The following PEX1 variants were observed in gnomAD, a reference collection of about 807,000 sequenced individuals.
PEX1 encodes the protein peroxisomal ATPase PEX1.
PEX1 carries 97 observed loss-of-function variants against 152.5 expected under a neutral mutation model. The observed-to-expected ratio is 0.64, with a 90% CI of 0.54 to 0.75. PEX1 has a LOEUF of 0.75. PEX1 is among the 30% of genes least tolerant of loss of function. PEX1 has a pLI of 0.00. For missense variants in PEX1, 1,357 were observed against 1,516.3 expected, an observed-to-expected ratio of 0.89 and a Z score of 1.74; for synonymous variants, 485 against 531.6, an observed-to-expected ratio of 0.91 and a Z score of 1.21.
At chr7:92,504,021 G>A (rs920213001) in intron 12 of PEX1, among the ~76,000 whole-genome samples, 1 of 151,842 alleles carries the variant, frequency 6.6e-6, no homozygotes, top group Non-Finnish European at 1.5e-5. Context: ...TGTAGACCAC[G>A]CTTCCTTTGC....
chr7:92,528,254 G>A, intron 1 of PEX1, 53 bp downstream of exon 1: 1 of 1,543,430 alleles, frequency 6.5e-7, no homozygotes, highest in Non-Finnish European at 8.7e-7. Flanking sequence ...GAGAGGCTTC[G>A]GCCTCGTCCG....
intron 19 of PEX1, 178 bp downstream of exon 19, chr7:92,494,115 A>G: frequency 1.6e-6 from 1 of 611,720 alleles, no homozygotes; most frequent in African/African-American, 1.8e-5. Context: ...CACTGGGCCA[A>G]AAAAAGGCTT....
Position 92,487,402 on chromosome 7 carries a change from C to T in PEX1, c.*55G>A. ...AGACACCATTTTTTTCCTGTTACAACATATGGAAAAGCCATCAAAAAACTT... is the reference window on the plus strand; with the variant it reads ...AGACACCATTTTTTTCCTGTTACAATATATGGAAAAGCCATCAAAAAACTT... On this transcript the variant is annotated 3_prime_UTR_variant, in exon 24 of 24. Coordinates refer to ENST00000248633, the MANE Select transcript of PEX1 (RefSeq NM_000466.3). 1 of 904,676 alleles carries T rather than the reference C, an allele frequency of 1.1e-6. No individual in the cohort carries two copies. The highest frequency in any genetic ancestry group is 1.8e-6 in the Non-Finnish European group (1 of 556,972). 56.0% of individuals were successfully genotyped at this position (904,676 alleles called of 1,614,324 possible). A position where few individuals can be genotyped will look rare whatever the true frequency, so the allele number is the denominator to read the frequency against.
intron 3 of PEX1, among the ~76,000 whole-genome samples, chr7:92,518,581 T>A (rs1792913243): frequency 6.6e-6 from 1 of 152,216 alleles, no homozygotes; most frequent in African/African-American, 2.4e-5. Context: ...TCATTCTTTT[T>A]TTATTTGAGA....
rs142838522 is a variant in PEX1, at chr7:92,502,035, C to G, written c.2271G>C (p.Leu757Phe). The G allele has an allele frequency of 4.8e-4, 769 of 1,612,632 alleles. 3 individuals are homozygous for G. In the African/African-American group the frequency reaches 8.5e-3, roughly 18 times the overall value. ...EILCNVIKNK[L>F]DCDINKFTDL... ...CGGTGAACTTGTTTATATCACAGTC[C>G]AATTTATTTTTTATTACATTACACA... Residue 757 changes from leucine (L) to phenylalanine (F), a missense_variant, in exon 14 of 24, where the codon TTG becomes TTC. Coordinates refer to ENST00000248633, the MANE Select transcript of PEX1 (RefSeq NM_000466.3).
chr7:92,509,342 G>T lies in PEX1; in HGVS notation c.1657C>A (p.Leu553Met), dbSNP rs1432487372. Residue 553 changes from leucine to methionine, a missense_variant, in exon 9 of 24, where the codon CTG (leucine) becomes ATG (methionine). Transcript: ENST00000248633. ...EIDFILPFLK[L>M]SSLGGVNSLG... ...ATAACTTCTTACCCCAAAGAGCTCA[G>T]CTTTAAAAAAGGAAGAATAAAGTCA... 1 of 1,611,406 alleles carries T rather than the reference G, an allele frequency of 6.2e-7. No individual in the cohort carries two copies. The highest frequency in any genetic ancestry group is 1.1e-5 in the South Asian group (1 of 91,034).
intron 10 of PEX1, 119 bp from the exon 11 acceptor site, chr7:92,506,463 A>G (rs1562857492): frequency 1.4e-6 from 1 of 723,556 alleles, no homozygotes; most frequent in Admixed American, 2.0e-5. Flanking sequence ...CAAAAAAACA[A>G]AAGAAGAGGA....
chr7:92,493,373 G>A (rs1224449735), intron 19 of PEX1: 4 of 240,194 alleles, frequency 1.7e-5, no homozygotes, highest in African/African-American at 4.6e-5. Context: ...GGTGGCTCAC[G>A]CCTGTAATCC....
intron 11 of PEX1, 28 bp downstream of exon 11, chr7:92,506,219 AT>A: frequency 8.6e-7 from 1 of 1,169,406 alleles, no homozygotes; most frequent in Non-Finnish European, 1.3e-6. Flanking sequence ...TGAAAAAGGG[AT>A]TTATATAGAG....
In PEX1 at chr7:92,492,981, T is replaced by C. The variant is rs1261431877; in HGVS notation, c.3179A>G (p.His1060Arg). Residue 1060 changes from histidine (H) to arginine (R), a missense_variant, in exon 20 of 24, where the codon CAT becomes CGT. Transcript: ENST00000248633. Reference protein sequence around the residue: ...LLYNAQLEALHGMLLSSGLQD... With the variant: ...LLYNAQLEALRGMLLSSGLQD... ...GAGTCCACTCGAGAGCAGCATTCCA[T>C]GTAAGGCCTCCAATTGGGCATTGTA... 2 of 1,613,898 alleles carry C rather than the reference T, an allele frequency of 1.2e-6. No individual in the cohort carries two copies. The highest frequency in any genetic ancestry group is 1.7e-6 in the Non-Finnish European group (2 of 1,179,872).
At chr7:92,515,646 G>T (rs1316455553) in intron 5 of PEX1, among the ~76,000 whole-genome samples, 1 of 152,124 alleles carries the variant, frequency 6.6e-6, no homozygotes, top group Non-Finnish European at 1.5e-5. Context: ...TAGATATTTT[G>T]AATTTGAGGA....
At chr7:92,522,036 T>C (rs1793071930) in intron 2 of PEX1, 66 bp downstream of exon 2, 3 of 1,533,676 alleles carry the variant, frequency 2.0e-6, no homozygotes, top group Non-Finnish European at 2.7e-6. Flanking sequence ...TCTAAACTTT[T>C]AATTTTATTT....
Position 92,511,653 on chromosome 7 carries a change from T to A in PEX1, c.1410A>T (p.Leu470=), listed in dbSNP as rs1441446202. Residue 470 remains leucine (L), a synonymous_variant, in exon 7 of 24, where the codon CTA becomes CTT. Coordinates refer to ENST00000248633, the MANE Select transcript of PEX1 (RefSeq NM_000466.3). ...EDIKTVFYSW[L]QQSTTTMLPL... is the part of the protein sequence containing the mutation. ...GAAGCATGGTGGTAGTAGACTGCTG[T>A]AGCCATGAATAAAATACAGTTTTTA... 1 of 1,611,444 alleles carries A rather than the reference T, an allele frequency of 6.2e-7. No homozygotes were observed. Among genetic ancestry groups the A allele is most frequent in the East Asian group, 2.2e-5 (1 of 44,836 alleles).
intron 23 of PEX1, among the ~76,000 whole-genome samples, chr7:92,487,890 C>T (rs1055419245): frequency 3.9e-5 from 6 of 152,102 alleles, no homozygotes; most frequent in African/African-American, 1.4e-4. Flanking sequence ...CTGCAACACA[C>T]AATGTTAGTG....
chr7:92,519,104 T>C (rs955908440), intron 2 of PEX1, 26 bp from the exon 3 acceptor site: 1 of 1,368,888 alleles, frequency 7.3e-7, no homozygotes, highest in Non-Finnish European at 1.0e-6. Flanking sequence ...AATTTAAAAC[T>C]ACTTTAAAAA....
intron 20 of PEX1, among the ~76,000 whole-genome samples, chr7:92,491,852 T>C (rs929105249): frequency 6.6e-6 from 1 of 152,184 alleles, no homozygotes; most frequent in Non-Finnish European, 1.5e-5. Flanking sequence ...TTTCTCATTA[T>C]AGAGAGCTCT....
chr7:92,487,313 A>AT lies in PEX1; in HGVS notation c.*143dup. On this transcript the variant is annotated 3_prime_UTR_variant, in exon 24 of 24. Coordinates refer to ENST00000248633, the MANE Select transcript of PEX1 (RefSeq NM_000466.3). ...TCTCAATCCTGATCATTACATAATT[A>AT]TAGCATTTACCAATCTGTGATTTTA... The AT allele has an allele frequency of 3.5e-6, 2 of 569,250 alleles. No individual in the cohort carries two copies. The highest frequency in any genetic ancestry group is 5.8e-5 in the East Asian group (2 of 34,554). The allele number at this position is 569,250 out of a possible 1,614,324, so 35.3% of individuals were successfully genotyped here.
rs769437453 is a variant in PEX1, at chr7:92,513,824, T to C, written c.1359+24A>G. Reference sequence around the variant, plus strand: ...TACAAAACGTGTAAAAGAATTTTGATGTAACATATATATTTGAACTCACTA... The same window carrying C: ...TACAAAACGTGTAAAAGAATTTTGACGTAACATATATATTTGAACTCACTA... On this transcript the variant is annotated intron_variant, in intron 6 of 23. Coordinates refer to ENST00000248633, the MANE Select transcript of PEX1 (RefSeq NM_000466.3). 3.2e-6 allele frequency: 5 copies of C among 1,554,504 alleles called. No homozygotes were observed. The East Asian group carries it at 9.0e-5, about 28-fold the overall frequency.
At chr7:92,501,737 G>T in intron 14 of PEX1, 64 bp from the exon 15 acceptor site, 1 of 1,442,418 alleles carries the variant, frequency 6.9e-7, no homozygotes, top group Non-Finnish European at 9.7e-7. Context: ...TTCAAAATAT[G>T]CCATCATCTT....
Sources: gnomAD v4.1 joint callset for allele counts (sites outside exome capture counted in the v4.1 genomes callset) on GRCh38, gnomAD v4.1.1 for gene constraint, MANE v1.5 for transcripts, NCBI Gene and HGNC (gene_info 2026-07-23, HGNC 2026-07-21) for gene names.